Variants in WWP1 observed in about 807,000 individuals in gnomAD.
WWP1 encodes the protein WW domain containing E3 ubiquitin protein ligase 1, also known as NEDD4-like E3 ubiquitin-protein ligase WWP1.
Under a neutral mutation model 130.6 loss-of-function variants are expected in WWP1, and 49 were observed. That is an observed-to-expected ratio of 0.38 (90% CI 0.30 to 0.48). WWP1 has a LOEUF of 0.48. WWP1 is among the 20% of genes least tolerant of loss of function. The pLI is 0.99. For missense variants in WWP1, 809 were observed against 1,100.6 expected (o/e 0.74, Z 3.75); for synonymous variants, 332 against 367.8 (o/e 0.90, Z 1.11).
intron 22 of WWP1, among the ~76,000 whole-genome samples, 193 bp from the exon 23 acceptor site, chr8:86,461,031 G>A (rs912628571): frequency 6.6e-5 from 10 of 151,800 alleles, no homozygotes; most frequent in South Asian, 2.1e-4. Flanking sequence ...GGATGATCTC[G>A]ATCTCCTGAC....
At chr8:86,447,884 G>GGC (rs1374321567) in intron 18 of WWP1, among the ~76,000 whole-genome samples, 1 of 152,080 alleles carries the variant, frequency 6.6e-6, no homozygotes, top group Non-Finnish European at 1.5e-5. Context: ...GGAAGATTGA[G>GGC]GCAGGGTATG....
In WWP1 at chr8:86,402,988, A is replaced by G. The variant is rs1002154240; in HGVS notation, c.724+785A>G. Among the ~76,000 whole-genome samples the G allele has an allele frequency of 4.6e-5, 7 of 152,206 alleles. No individual in the cohort carries two copies. The South Asian group carries it at 1.2e-3, about 27-fold the overall frequency. On this transcript the variant is annotated intron_variant, in intron 8 of 24. Coordinates refer to ENST00000517970, the MANE Select transcript of WWP1 (RefSeq NM_007013.4). ...ATTTTCCAAAAGTAAGCATTACTGTATTATAGAAGGAATGCCTAAGGAAGA... is the reference window on the plus strand; with the variant it reads ...ATTTTCCAAAAGTAAGCATTACTGTGTTATAGAAGGAATGCCTAAGGAAGA...
chr8:86,424,766 C>G, intron 9 of WWP1, among the ~76,000 whole-genome samples: 1 of 146,538 alleles, frequency 6.8e-6, no homozygotes, highest in Non-Finnish European at 1.5e-5. Flanking sequence ...TACAGTCCAG[C>G]TTCGGCTTGG....
At chr8:86,423,889 C>T (rs184157588) in intron 9 of WWP1, among the ~76,000 whole-genome samples, 20,561 of 137,728 alleles carry the variant, frequency 0.15, 1,652 homozygotes, top group Non-Finnish European at 0.19. Context: ...GGCGGCTGGC[C>T]GGGCGGGGGC....
At chr8:86,457,383 T>C (rs892422890) in intron 21 of WWP1, among the ~76,000 whole-genome samples, 3 of 151,756 alleles carry the variant, frequency 2.0e-5, no homozygotes, top group Admixed American at 1.3e-4. Context: ...ACTAATGAAT[T>C]TGGATAGCCA....
At chr8:86,447,740 G>T (rs1017761125) in intron 18 of WWP1, among the ~76,000 whole-genome samples, 2 of 152,140 alleles carry the variant, frequency 1.3e-5, no homozygotes, top group African/African-American at 4.8e-5. Flanking sequence ...GCGAAGGCAC[G>T]ATGGGGTTAG....
chr8:86,383,025 A>G (rs1238926800), intron 5 of WWP1, among the ~76,000 whole-genome samples: 1 of 152,228 alleles, frequency 6.6e-6, no homozygotes, highest in Non-Finnish European at 1.5e-5. Context: ...TTTTGGAAAT[A>G]AGTGAGTTAT....
rs146953102 is a variant in WWP1 at position 86,389,112 on chromosome 8, G to A, written c.334+7483G>A. ...TCTTCATTAAATAAACATTTATTGA[G>A]TTTTAGGAAGAGACATACAAAACAT... On this transcript the variant is annotated intron_variant, in intron 5 of 24. Transcript: ENST00000517970. Among the ~76,000 whole-genome samples, 1,495 of 149,894 alleles carry A rather than the reference G, an allele frequency of 1.0e-2. 28 individuals are homozygous for A. The highest frequency in any genetic ancestry group is 0.035 in the African/African-American group (1,426 of 40,900).
intron 18 of WWP1, among the ~76,000 whole-genome samples, chr8:86,443,742 G>A (rs958704495): frequency 3.9e-5 from 6 of 152,180 alleles, no homozygotes; most frequent in Non-Finnish European, 8.8e-5. Context: ...GATGACACAT[G>A]AACAGAAATT....
chr8:86,463,280 C>G (rs1006438895), intron 24 of WWP1, among the ~76,000 whole-genome samples: 2 of 151,970 alleles, frequency 1.3e-5, no homozygotes, highest in Non-Finnish European at 2.9e-5. Flanking sequence ...TAAGACTTTC[C>G]TCGATGAGAT....
intron 11 of WWP1, 113 bp from the exon 12 acceptor site, chr8:86,430,584 A>G: frequency 1.2e-6 from 1 of 853,612 alleles, no homozygotes; most frequent in Non-Finnish European, 1.6e-6. Context: ...ACCCCTTATC[A>G]TATTTTTAGA....
At chr8:86,380,651 A>G in intron 3 of WWP1, 75 bp from the exon 4 acceptor site, 1 of 1,429,460 alleles carries the variant, frequency 7.0e-7, no homozygotes, top group Middle Eastern at 2.6e-4. Flanking sequence ...GCACAATTCC[A>G]TTCTTATTGA....
intron 1 of WWP1, among the ~76,000 whole-genome samples, chr8:86,351,555 TG>T (rs1822921954): frequency 6.6e-6 from 1 of 151,860 alleles, no homozygotes; most frequent in African/African-American, 2.4e-5. Flanking sequence ...CTTGAATTCC[TG>T]GGCTCAAGTG....
intron 1 of WWP1, chr8:86,343,356 G>A (rs1183686125): frequency 6.6e-6 from 1 of 152,200 alleles, no homozygotes; most frequent in Non-Finnish European, 1.5e-5. Flanking sequence ...AAGGACTCCA[G>A]CTTTGGAACG....
chr8:86,422,525 C>G (rs1324365361), intron 9 of WWP1, among the ~76,000 whole-genome samples: 1 of 151,306 alleles, frequency 6.6e-6, no homozygotes, highest in East Asian at 1.9e-4. Context: ...CCATGGCTGG[C>G]TAATTTTTTT....
At chr8:86,435,914 G>C (rs868270923) in intron 16 of WWP1, among the ~76,000 whole-genome samples, 8 of 152,162 alleles carry the variant, frequency 5.3e-5, no homozygotes, top group Non-Finnish European at 4.4e-5. Context: ...TGCCCAGGTT[G>C]GTCTCAACCT....
At chr8:86,402,334 G>T in intron 8 of WWP1, 131 bp downstream of exon 8, 1 of 1,161,624 alleles carries the variant, frequency 8.6e-7, no homozygotes, top group South Asian at 1.7e-5. Flanking sequence ...CACCCAGGCT[G>T]GAGTGCAGTG....
chr8:86,465,603 C>T (rs566074318), intron 24 of WWP1, among the ~76,000 whole-genome samples: 1 of 152,106 alleles, frequency 6.6e-6, no homozygotes, highest in Admixed American at 6.5e-5. Context: ...CTAGGCGACA[C>T]AGCCAGACCC....
intron 18 of WWP1, among the ~76,000 whole-genome samples, chr8:86,444,736 A>G (rs1202999581): frequency 4.6e-5 from 7 of 152,198 alleles, no homozygotes; most frequent in Admixed American, 4.6e-4. Context: ...TGATGGGAGT[A>G]AAATCAAGAG....
Sources: gnomAD v4.1 joint callset for allele counts (sites outside exome capture counted in the v4.1 genomes callset) on GRCh38, gnomAD v4.1.1 for gene constraint, MANE v1.5 for transcripts, NCBI Gene and HGNC (gene_info 2026-07-23, HGNC 2026-07-21) for gene names.